The following RCAN1 variants were observed in gnomAD, a reference collection of about 807,000 sequenced individuals.
The protein encoded by RCAN1 is calcipressin-1.
RCAN1 carries 11 observed loss-of-function variants against 22.9 expected under a neutral mutation model. That is an observed-to-expected ratio of 0.48 (90% CI 0.30 to 0.79). The LOEUF (loss-of-function observed/expected upper bound fraction) is 0.79. Among genes scored for constraint, RCAN1 ranks in the 30% least tolerant of loss-of-function variants. RCAN1 has a pLI of 0.06. For synonymous variants in RCAN1, 136 were observed against 142.3 expected (o/e 0.96, Z 0.32); for missense variants, 291 against 337.8 (o/e 0.86, Z 1.09).
rs544005229 is a variant in RCAN1 at position 34,564,678 on chromosome 21, A to G, written c.253-40968T>C. Among the ~76,000 whole-genome samples, 21 of 152,296 alleles carry G rather than the reference A, an allele frequency of 1.4e-4. No individual in the cohort carries two copies. The East Asian group carries it at 3.5e-3, about 25-fold the overall frequency. On this transcript the variant is annotated intron_variant, in intron 1 of 3. Transcript: ENST00000313806. ...TGAAGTAATGTAAGTTGGATACAATATTCATTAATTATTTTTCTATGAAGT... is the reference window on the plus strand; with the variant it reads ...TGAAGTAATGTAAGTTGGATACAATGTTCATTAATTATTTTTCTATGAAGT...
At chr21:34,557,595 C>G (rs1055299959) in intron 1 of RCAN1, among the ~76,000 whole-genome samples, 1 of 152,228 alleles carries the variant, frequency 6.6e-6, no homozygotes, top group Non-Finnish European at 1.5e-5. Context: ...GTGACAGATT[C>G]AGTTACATTA....
At chr21:34,588,698 T>C (rs1458322202) in intron 1 of RCAN1, among the ~76,000 whole-genome samples, 2 of 152,224 alleles carry the variant, frequency 1.3e-5, no homozygotes, top group African/African-American at 2.4e-5. Context: ...TCTAAAAGAA[T>C]TGAAAGCAGG....
At chr21:34,567,307 T>C (rs768287323) in intron 1 of RCAN1, among the ~76,000 whole-genome samples, 14 of 152,216 alleles carry the variant, frequency 9.2e-5, no homozygotes, top group South Asian at 4.1e-4. Flanking sequence ...CCATCCAGGC[T>C]AACATGGTGA....
intron 1 of RCAN1, among the ~76,000 whole-genome samples, chr21:34,548,978 C>T (rs183476085): frequency 1.8e-3 from 267 of 152,298 alleles, no homozygotes; most frequent in African/African-American, 6.2e-3. Flanking sequence ...CCAAATTGCA[C>T]GGTCAGCAAA....
At chr21:34,558,889 C>T (rs892926464) in intron 1 of RCAN1, among the ~76,000 whole-genome samples, 1 of 152,048 alleles carries the variant, frequency 6.6e-6, no homozygotes, top group Admixed American at 6.6e-5. Flanking sequence ...AGGATGTGAC[C>T]GGAAAGAACA....
intron 1 of RCAN1, among the ~76,000 whole-genome samples, chr21:34,545,819 G>C (rs556306906): frequency 1.3e-5 from 2 of 152,330 alleles, no homozygotes; most frequent in East Asian, 3.9e-4. Context: ...TGCCACCCAT[G>C]GAGAATAATG....
chr21:34,547,759 G>T (rs1372635184), intron 1 of RCAN1, among the ~76,000 whole-genome samples: 2 of 152,198 alleles, frequency 1.3e-5, no homozygotes, highest in African/African-American at 4.8e-5. Flanking sequence ...TCCTGTGCTT[G>T]CTTCAGCTTC....
At chr21:34,549,828 C>T (rs765482040) in intron 1 of RCAN1, among the ~76,000 whole-genome samples, 14 of 152,112 alleles carry the variant, frequency 9.2e-5, no homozygotes, top group African/African-American at 1.4e-4. Flanking sequence ...ATCCATCCAC[C>T]GAACACCTAC....
In RCAN1 at chr21:34,575,659, G is replaced by T. The variant is rs546302710; in HGVS notation, c.252+39101C>A. On this transcript the variant is annotated intron_variant, in intron 1 of 3. Transcript: ENST00000313806. ...CACCTCAGCCTCCCAAGCAACTGGG[G>T]TTACAGGTGTGTGCCACCGTGCCAG... Among the ~76,000 whole-genome samples the T allele has an allele frequency of 1.2e-3, 186 of 152,220 alleles. 1 individual carries two copies. The highest frequency in any genetic ancestry group is 4.4e-3 in the South Asian group (21 of 4,824).
intron 1 of RCAN1, among the ~76,000 whole-genome samples, chr21:34,551,457 C>T (rs959685646): frequency 6.6e-5 from 10 of 151,974 alleles, no homozygotes; most frequent in Admixed American, 4.6e-4. Context: ...AATATTTAAC[C>T]TACTTTTACT....
At chr21:34,521,391 C>T (rs865866652) in intron 3 of RCAN1, 108 bp downstream of exon 3, 2 of 1,578,580 alleles carry the variant, frequency 1.3e-6, no homozygotes, top group Non-Finnish European at 1.7e-6. Flanking sequence ...ACAAAACATG[C>T]CGGCATGGGC....
At position 34,533,106 on chromosome 21, in the gene RCAN1, G is replaced by T. The variant is rs866036398; in HGVS notation, c.253-9396C>A. Among the ~76,000 whole-genome samples the T allele has an allele frequency of 5.3e-5, 8 of 151,626 alleles. No individual in the cohort carries two copies. In the East Asian group the frequency reaches 1.6e-3, roughly 29 times the overall value. On this transcript the variant is annotated intron_variant, in intron 1 of 3. Coordinates refer to ENST00000313806, the MANE Select transcript of RCAN1 (RefSeq NM_004414.7). ...CTCCCGAGTAGCTGGGACTACAGGT[G>T]CCCGCCACCACGCCCGGCTAATTTT...
intron 1 of RCAN1, among the ~76,000 whole-genome samples, chr21:34,592,971 T>C (rs937125895): frequency 1.3e-5 from 2 of 152,182 alleles, no homozygotes; most frequent in African/African-American, 4.8e-5. Flanking sequence ...TGGGTACCCA[T>C]GAGGGCTTCA....
chr21:34,567,492 T>A (rs963963302), intron 1 of RCAN1, among the ~76,000 whole-genome samples: 7 of 150,022 alleles, frequency 4.7e-5, no homozygotes, highest in Non-Finnish European at 7.4e-5. Flanking sequence ...GAGGCGGAGG[T>A]TGCAGTGAGC....
intron 1 of RCAN1, among the ~76,000 whole-genome samples, chr21:34,584,306 C>T (rs1987716470): frequency 6.6e-6 from 1 of 152,286 alleles, no homozygotes; most frequent in African/African-American, 2.4e-5. Context: ...AGAATGCATT[C>T]ACCAAACAAC....
chr21:34,543,079 C>T (rs1318336194), intron 1 of RCAN1, among the ~76,000 whole-genome samples: 2 of 152,234 alleles, frequency 1.3e-5, no homozygotes, highest in Non-Finnish European at 2.9e-5. Flanking sequence ...CTAATGCCTA[C>T]ATTGAGGCTT....
chr21:34,607,611 G>A (rs1988569524), intron 1 of RCAN1, among the ~76,000 whole-genome samples: 1 of 152,098 alleles, frequency 6.6e-6, no homozygotes, highest in African/African-American at 2.4e-5. Flanking sequence ...TGCTGGTCTG[G>A]AACTCCTGGC....
intron 1 of RCAN1, among the ~76,000 whole-genome samples, chr21:34,549,028 G>C (rs2298347): frequency 0.051 from 7,800 of 152,314 alleles, 288 homozygotes; most frequent in East Asian, 0.14. Flanking sequence ...GGGACTATGA[G>C]ACCGTTTGCC....
chr21:34,576,321 C>T (rs1987409679), intron 1 of RCAN1, among the ~76,000 whole-genome samples: 1 of 152,208 alleles, frequency 6.6e-6, no homozygotes, highest in Non-Finnish European at 1.5e-5. Context: ...AGGCTGTGTC[C>T]TCTACCCGAG....
Sources: gnomAD v4.1 joint callset for allele counts (sites outside exome capture counted in the v4.1 genomes callset) on GRCh38, gnomAD v4.1.1 for gene constraint, MANE v1.5 for transcripts, NCBI Gene and HGNC (gene_info 2026-07-23, HGNC 2026-07-21) for gene names.